Variants in C1GALT1 observed in about 807,000 individuals in gnomAD.
The protein encoded by C1GALT1 is core 1 synthase, glycoprotein-N-acetylgalactosamine 3-beta-galactosyltransferase 1.
In C1GALT1, 11 loss-of-function variants were observed where a neutral mutation model predicts 31.0. That is an observed-to-expected ratio of 0.36 (90% CI 0.22 to 0.59). C1GALT1 has a LOEUF of 0.59. Ranked by LOEUF, C1GALT1 falls within the 20% of genes least tolerant of loss-of-function variation. The pLI is 0.79. For missense variants in C1GALT1, 424 were observed against 425.2 expected (o/e 1.00, Z 0.03); for synonymous variants, 175 against 143.6 (o/e 1.22, Z -1.56).
intron 1 of C1GALT1, among the ~76,000 whole-genome samples, chr7:7,204,922 C>A (rs151169030): frequency 1.7e-3 from 262 of 152,220 alleles, no homozygotes; most frequent in African/African-American, 6.0e-3. Context: ...CTTTTAAAAT[C>A]TATTAACACT....
At chr7:7,192,265 C>CA (rs1395358515) in intron 1 of C1GALT1, among the ~76,000 whole-genome samples, 1 of 151,870 alleles carries the variant, frequency 6.6e-6, no homozygotes, top group Non-Finnish European at 1.5e-5. Context: ...ACACAGTACC[C>CA]AATGTGTAGT....
At chr7:7,216,347 A>G (rs545290829) in intron 1 of C1GALT1, among the ~76,000 whole-genome samples, 2 of 152,148 alleles carry the variant, frequency 1.3e-5, no homozygotes, top group Admixed American at 6.5e-5. Context: ...GTGCTCCCCC[A>G]TGGTTGTAGG....
intron 2 of C1GALT1, among the ~76,000 whole-genome samples, chr7:7,176,994 C>T (rs1429340871): frequency 6.6e-6 from 1 of 152,200 alleles, no homozygotes; most frequent in African/African-American, 2.4e-5. Flanking sequence ...GTGCAAGAAG[C>T]TCTGTCCCTT....
chr7:7,219,638 A>T (rs987684919), intron 1 of C1GALT1, among the ~76,000 whole-genome samples: 16 of 152,252 alleles, frequency 1.1e-4, no homozygotes, highest in Admixed American at 3.3e-4. Flanking sequence ...TCCTAAGATT[A>T]CTTTTTGAGA....
intron 1 of C1GALT1, among the ~76,000 whole-genome samples, chr7:7,205,537 T>C (rs1781704000): frequency 6.6e-6 from 1 of 152,186 alleles, no homozygotes; most frequent in Non-Finnish European, 1.5e-5. Flanking sequence ...TGATGTCTTC[T>C]GGGTGGCAGA....
At chr7:7,215,893 C>T (rs1319869646) in intron 1 of C1GALT1, among the ~76,000 whole-genome samples, 3 of 152,056 alleles carry the variant, frequency 2.0e-5, no homozygotes, top group Non-Finnish European at 1.5e-5. Flanking sequence ...TCTAAGTCTC[C>T]TTTTACTTGC....
intron 1 of C1GALT1, among the ~76,000 whole-genome samples, chr7:7,185,823 C>T (rs981603713): frequency 2.6e-5 from 4 of 152,144 alleles, no homozygotes; most frequent in Admixed American, 6.5e-5. Context: ...AACAGTTGCA[C>T]GGTTTATCTT....
At chr7:7,182,356 A>G (rs1201993870), upstream of C1GALT1, among the ~76,000 whole-genome samples, 1 of 152,174 alleles carries the variant, frequency 6.6e-6, no homozygotes. Flanking sequence ...TAGCAGACAC[A>G]AGCCGCAAGG....
At chr7:7,177,711 T>C (rs1391748529), upstream of C1GALT1, among the ~76,000 whole-genome samples, 3 of 152,192 alleles carry the variant, frequency 2.0e-5, no homozygotes, top group Admixed American at 2.0e-4. Flanking sequence ...AATCAGTAAA[T>C]AAGTTGTCAC....
intron 3 of C1GALT1, among the ~76,000 whole-genome samples, 198 bp downstream of exon 3, chr7:7,239,120 T>C (rs1783505946): frequency 6.6e-6 from 1 of 152,206 alleles, no homozygotes; most frequent in Non-Finnish European, 1.5e-5. Context: ...AGCAAATAGC[T>C]ATTGATGCTG....
chr7:7,225,633 A>C (rs1782724380), intron 1 of C1GALT1, among the ~76,000 whole-genome samples: 1 of 152,242 alleles, frequency 6.6e-6, no homozygotes, highest in South Asian at 2.1e-4. Context: ...TTTGTGTTTA[A>C]GAATTTATAT....
chr7:7,224,352 A>G (rs988055590), intron 1 of C1GALT1, among the ~76,000 whole-genome samples: 1 of 151,012 alleles, frequency 6.6e-6, no homozygotes, highest in South Asian at 2.1e-4. Flanking sequence ...GTTCTCTCCT[A>G]CTTTTTGGAG....
chr7:7,168,415 G>A (rs1780420545), intron 2 of C1GALT1, among the ~76,000 whole-genome samples: 1 of 152,136 alleles, frequency 6.6e-6, no homozygotes, highest in Non-Finnish European at 1.5e-5. Context: ...AGGAAATAAA[G>A]GAGTGTGAAT....
At chr7:7,225,198 CA>C (rs1782700605) in intron 1 of C1GALT1, among the ~76,000 whole-genome samples, 2 of 152,038 alleles carry the variant, frequency 1.3e-5, no homozygotes, top group Admixed American at 6.6e-5. Flanking sequence ...CTTAAATAAT[CA>C]ATTTATTTCT....
At chr7:7,236,229 C>G (rs1442108765) in intron 2 of C1GALT1, among the ~76,000 whole-genome samples, 1 of 152,126 alleles carries the variant, frequency 6.6e-6, no homozygotes, top group Non-Finnish European at 1.5e-5. Context: ...ATGTGTCTTA[C>G]TCATTTTTTT....
chr7:7,240,913 A>AT, intron 3 of C1GALT1, among the ~76,000 whole-genome samples: 1 of 152,080 alleles, frequency 6.6e-6, no homozygotes, highest in East Asian at 1.9e-4. Context: ...AATACAGAAA[A>AT]TTTTTATCTA....
At chr7:7,191,389 T>G (rs1781064956) in intron 1 of C1GALT1, among the ~76,000 whole-genome samples, 1 of 152,180 alleles carries the variant, frequency 6.6e-6, no homozygotes. Context: ...TCATCCTCAG[T>G]GAACACGTGG....
chr7:7,196,179 C>T (rs1781279182), intron 1 of C1GALT1, among the ~76,000 whole-genome samples: 1 of 152,052 alleles, frequency 6.6e-6, no homozygotes, highest in Admixed American at 6.5e-5. Flanking sequence ...TCATCATTTA[C>T]ATTAGGTATA....
intron 3 of C1GALT1, among the ~76,000 whole-genome samples, chr7:7,240,488 A>G (rs1783575437): frequency 6.6e-6 from 1 of 152,142 alleles, no homozygotes; most frequent in African/African-American, 2.4e-5. Flanking sequence ...CCATTCCAAG[A>G]TGACTTGATC....
Sources: gnomAD v4.1 joint callset for allele counts (sites outside exome capture counted in the v4.1 genomes callset) on GRCh38, gnomAD v4.1.1 for gene constraint, MANE v1.5 for transcripts, NCBI Gene and HGNC (gene_info 2026-07-23, HGNC 2026-07-21) for gene names.